TASP1: variants seen among roughly 807,000 people sequenced by gnomAD.
TASP1 encodes the protein threonine aspartase 1.
In TASP1, 16 loss-of-function variants were observed where a neutral mutation model predicts 56.6. The ratio of observed to expected loss-of-function variants is 0.28; its 90% CI spans 0.19 to 0.43. The LOEUF is 0.43. Ranked by LOEUF, TASP1 falls within the 20% of genes least tolerant of loss-of-function variation. TASP1 has a pLI of 1.00. For synonymous variants in TASP1, 179 were observed against 184.2 expected (o/e 0.97, Z 0.23); for missense variants, 393 against 511.6 (o/e 0.77, Z 2.24).
chr20:13,636,757 T>C lies in TASP1; in HGVS notation c.-75+2137A>G, dbSNP rs550743551. ...TCAACAAGAGTGTTGAAATGGTTTC[T>C]ACCATTCAATGGAGGAAAGGACAGT... On this transcript the variant is annotated intron_variant, in intron 1 of 13. Transcript: ENST00000337743. 7.2e-5 allele frequency among the ~76,000 whole-genome samples: 11 copies of C among 152,288 alleles called. No individual in the cohort carries two copies. The East Asian group carries it at 1.2e-3, about 16-fold the overall frequency.
At chr20:13,287,035 T>C in the TASP1 span, among the ~76,000 whole-genome samples, 4 of 152,124 alleles carry the variant, frequency 2.6e-5, no homozygotes, top group African/African-American at 9.7e-5. Flanking sequence ...CCTGCTTTCC[T>C]TTCTGTTAAC....
chr20:13,227,862 A>ATCTT, the TASP1 span, among the ~76,000 whole-genome samples: 1 of 151,680 alleles, frequency 6.6e-6, no homozygotes, highest in Non-Finnish European at 1.5e-5. Flanking sequence ...AATAATGTCT[A>ATCTT]TCTTAGGAAT....
chr20:13,158,558 A>G, the TASP1 span, among the ~76,000 whole-genome samples: 3 of 152,202 alleles, frequency 2.0e-5, no homozygotes, highest in Admixed American at 6.5e-5. Flanking sequence ...CTTGTTTCTC[A>G]GACAATTATG....
the TASP1 span, among the ~76,000 whole-genome samples, chr20:13,362,144 A>T: frequency 1.2e-4 from 18 of 149,444 alleles, no homozygotes; most frequent in Admixed American, 2.7e-4. Context: ...AACATCGCCC[A>T]TTCTCTCTCC....
chr20:13,596,312 T>C (rs899187483), intron 4 of TASP1, among the ~76,000 whole-genome samples: 7 of 150,330 alleles, frequency 4.7e-5, no homozygotes, highest in African/African-American at 1.7e-4. Context: ...GAGGCGGAGG[T>C]TGCAGTGAGC....
intron 10 of TASP1, among the ~76,000 whole-genome samples, chr20:13,528,219 CAAAAAAA>C (rs397942980): frequency 2.6e-4 from 14 of 54,336 alleles, no homozygotes; most frequent in South Asian, 2.1e-3. Flanking sequence ...GACTCTGACT[CAAAAAAA>C]AAAAAAAAAA....
intron 11 of TASP1, among the ~76,000 whole-genome samples, chr20:13,444,108 T>G (rs1301415754): frequency 6.6e-6 from 1 of 152,204 alleles, no homozygotes; most frequent in African/African-American, 2.4e-5. Context: ...CTGATGTGCA[T>G]GTATAGTGTT....
At chr20:13,420,290 G>C (rs537831705) in intron 12 of TASP1, among the ~76,000 whole-genome samples, 3 of 152,074 alleles carry the variant, frequency 2.0e-5, no homozygotes, top group Non-Finnish European at 4.4e-5. Flanking sequence ...ACTTACAAAA[G>C]AGGATAAATT....
intron 10 of TASP1, among the ~76,000 whole-genome samples, chr20:13,483,878 A>G (rs1444242352): frequency 1.3e-5 from 2 of 152,214 alleles, no homozygotes; most frequent in African/African-American, 2.4e-5. Flanking sequence ...GGCAACCTAC[A>G]GAATGGGAGA....
chr20:13,467,039 T>C (rs1219788582), intron 11 of TASP1, among the ~76,000 whole-genome samples: 1 of 152,158 alleles, frequency 6.6e-6, no homozygotes, highest in Non-Finnish European at 1.5e-5. Context: ...AATTTTCCTA[T>C]GGCTTTTTAA....
At chr20:13,205,302 T>C in the TASP1 span, among the ~76,000 whole-genome samples, 1 of 152,118 alleles carries the variant, frequency 6.6e-6, no homozygotes, top group East Asian at 1.9e-4. Context: ...GGTGGATCTT[T>C]TGCCCGGAAA....
chr20:13,299,073 A>G, the TASP1 span: 1 of 1,613,850 alleles, frequency 6.2e-7, no homozygotes, highest in Non-Finnish European at 8.5e-7. This position sits in a 1 kb window ranked among gnomAD's most constrained non-coding sequence, Gnocchi z 5.8. Flanking sequence ...CACGGCCGAC[A>G]TCTTCGACCG....
chr20:13,524,983 T>C (rs2044916198), intron 10 of TASP1, among the ~76,000 whole-genome samples: 1 of 152,226 alleles, frequency 6.6e-6, no homozygotes, highest in South Asian at 2.1e-4. Context: ...ATGACTTTGC[T>C]ATCAGTGAAG....
At chr20:13,577,518 T>C (rs746658788) in intron 6 of TASP1, among the ~76,000 whole-genome samples, 1 of 152,160 alleles carries the variant, frequency 6.6e-6, no homozygotes, top group Non-Finnish European at 1.5e-5. Flanking sequence ...TATTTGGAGA[T>C]GGGGCCTTTG....
At chr20:13,395,502 G>C (rs1197114464) in intron 13 of TASP1, among the ~76,000 whole-genome samples, 4 of 151,984 alleles carry the variant, frequency 2.6e-5, no homozygotes, top group Non-Finnish European at 5.9e-5. Context: ...ATATAATCTG[G>C]AATACTGTGT....
intron 10 of TASP1, among the ~76,000 whole-genome samples, chr20:13,505,451 T>C (rs1043182691): frequency 2.0e-5 from 3 of 152,092 alleles, no homozygotes. Context: ...CAGCCAAATA[T>C]ACAGATAGCC....
chr20:13,469,566 A>G (rs527899929), intron 11 of TASP1, among the ~76,000 whole-genome samples: 9 of 152,226 alleles, frequency 5.9e-5, no homozygotes, highest in Non-Finnish European at 1.2e-4. Context: ...AGAAAGGAAG[A>G]AGAGAAAAAT....
chr20:13,482,642 G>A lies in TASP1; in HGVS notation c.985+585C>T, dbSNP rs138662718. 1.9e-3 allele frequency among the ~76,000 whole-genome samples: 294 copies of A among 152,196 alleles called. 2 individuals are homozygous for A. Among genetic ancestry groups the A allele is most frequent in the African/African-American group, 6.9e-3 (287 of 41,550 alleles). On this transcript the variant is annotated intron_variant, in intron 11 of 13. Coordinates refer to ENST00000337743, the MANE Select transcript of TASP1 (RefSeq NM_017714.3). ...TTTCTAAGTAGTGAACTTTTGATGAGCATCTAGTTTTCTACTCTTACTATT... is the reference window on the plus strand; with the variant it reads ...TTTCTAAGTAGTGAACTTTTGATGAACATCTAGTTTTCTACTCTTACTATT...
At chr20:13,154,231 G>T in the TASP1 span, 1 of 1,500,470 alleles carries the variant, frequency 6.7e-7, no homozygotes, top group South Asian at 1.3e-5. Flanking sequence ...CATCTGGAAT[G>T]GGGTGAGTGA....
Sources: allele counts gnomAD v4.1 joint callset (sites outside exome capture counted in the v4.1 genomes callset), GRCh38; gene constraint gnomAD v4.1.1; non-coding constraint Gnocchi (gnomAD v3.1); transcripts MANE v1.5; gene names NCBI Gene and HGNC (gene_info 2026-07-23, HGNC 2026-07-21).